Variants in NCAPD3 observed in about 807,000 individuals in gnomAD.
The protein encoded by NCAPD3 is condensin-2 complex subunit D3.
NCAPD3 carries 105 observed loss-of-function variants against 182.9 expected under a neutral mutation model. That is an observed-to-expected ratio of 0.57 (90% CI 0.49 to 0.68). The LOEUF is 0.68. Among genes scored for constraint, NCAPD3 ranks in the 30% least tolerant of loss-of-function variants. The pLI, the probability that NCAPD3 is intolerant of heterozygous loss-of-function variation, is 0.00. For missense variants in NCAPD3, 1,944 were observed against 1,837.0 expected, an observed-to-expected ratio of 1.06 and a Z score of -1.07; for synonymous variants, 815 against 679.9, an observed-to-expected ratio of 1.20 and a Z score of -3.09.
At chr11:134,176,648 T>C (rs536282219) in intron 23 of NCAPD3, among the ~76,000 whole-genome samples, 2 of 152,184 alleles carry the variant, frequency 1.3e-5, no homozygotes, top group Non-Finnish European at 2.9e-5. Flanking sequence ...CGGTTCGTAA[T>C]ACATGAAAAG....
chr11:134,168,679 T>A lies in NCAPD3; in HGVS notation c.3240-77A>T, dbSNP rs554041311. On this transcript the variant is annotated intron_variant, in intron 25 of 34. Coordinates refer to ENST00000534548, the MANE Select transcript of NCAPD3 (RefSeq NM_015261.3). ...GATTTAACACTGCACTTTAACTGCATCCTAAAAGCTGCATGCCAAAGACTC... is the reference window on the plus strand; with the variant it reads ...GATTTAACACTGCACTTTAACTGCAACCTAAAAGCTGCATGCCAAAGACTC... 1,979 of 1,576,354 alleles carry A rather than the reference T, an allele frequency of 1.3e-3. 47 individuals carry two copies. The South Asian group carries it at 0.021, about 17-fold the overall frequency.
chr11:134,183,525 G>A (rs1028365261), intron 19 of NCAPD3, among the ~76,000 whole-genome samples: 1 of 152,148 alleles, frequency 6.6e-6, no homozygotes, highest in East Asian at 1.9e-4. Context: ...CTGAGATTGC[G>A]CCACTGTACT....
intron 24 of NCAPD3, among the ~76,000 whole-genome samples, chr11:134,175,863 C>T (rs1944147955): frequency 6.6e-6 from 1 of 152,078 alleles, no homozygotes; most frequent in African/African-American, 2.4e-5. Flanking sequence ...CACTTGATTC[C>T]ACATTGTGCA....
At chr11:134,155,019 T>C (rs1278333875) in intron 32 of NCAPD3, among the ~76,000 whole-genome samples, 2 of 152,128 alleles carry the variant, frequency 1.3e-5, no homozygotes, top group African/African-American at 4.8e-5. Flanking sequence ...TCCAGGAAAT[T>C]AGTCTCCCAT....
intron 27 of NCAPD3, among the ~76,000 whole-genome samples, chr11:134,165,467 G>A (rs1398027642): frequency 1.3e-5 from 2 of 149,712 alleles, no homozygotes; most frequent in African/African-American, 2.5e-5. Flanking sequence ...ACACTCATGA[G>A]ATGAGCTTGG....
chr11:134,219,516 C>T (rs1938150997), intron 2 of NCAPD3, among the ~76,000 whole-genome samples: 1 of 152,114 alleles, frequency 6.6e-6, no homozygotes, highest in South Asian at 2.1e-4. Context: ...GTACTTAAGG[C>T]AGTGCTTAGT....
intron 29 of NCAPD3, among the ~76,000 whole-genome samples, chr11:134,159,353 A>AT (rs1399786556): frequency 6.6e-6 from 1 of 152,242 alleles, no homozygotes; most frequent in Non-Finnish European, 1.5e-5. Flanking sequence ...GAGCAAGTCC[A>AT]TAAGTAATGT....
Position 134,168,086 on chromosome 11 carries a change from A to C in NCAPD3, c.3483T>G (p.Ser1161=), listed in dbSNP as rs903107754. The change falls in exon 27 of 35, where the codon TCT becomes TCG. Residue 1161 remains serine, a synonymous_variant. Transcript: ENST00000534548. The part of the protein sequence containing the change: ...SKEIKLLAMR[S]KPDKDLLMEE... ...CCATAAGGAGGTCTTTGTCTGGTTT[A>C]GATCTCATTGCCAAAAGCTTGATCT... 6.2e-6 allele frequency: 10 copies of C among 1,614,058 alleles called. No individual in the cohort carries two copies. The African/African-American group carries it at 1.3e-4, about 22-fold the overall frequency.
rs1943173439 is a variant in NCAPD3, at chr11:134,150,200, G to C, written c.*2744C>G. ...GGGAACTCATACTGTCTACACATCA[G>C]ACCATAGTTGCTTAGGAAACCTTTA... On this transcript the variant is annotated 3_prime_UTR_variant, in exon 35 of 35. Coordinates refer to ENST00000534548, the MANE Select transcript of NCAPD3 (RefSeq NM_015261.3). The C allele has an allele frequency of 6.6e-6, 1 of 152,188 alleles. No homozygotes were observed. Among genetic ancestry groups the C allele is most frequent in the African/African-American group, 2.4e-5 (1 of 41,324 alleles). The allele number at this position is 152,188 out of a possible 1,614,324, so 9.4% of individuals were successfully genotyped here.
At chr11:134,185,024 T>C (rs1388194847) in intron 17 of NCAPD3, 24 bp from the exon 18 acceptor site, 1 of 1,550,762 alleles carries the variant, frequency 6.4e-7, no homozygotes, top group Non-Finnish European at 8.9e-7. Flanking sequence ...AGGAGGAATA[T>C]GAAGGGAGAA....
At chr11:134,225,235 T>A (rs1938426339), upstream of NCAPD3, 11 of 1,613,996 alleles carry the variant, frequency 6.8e-6, no homozygotes, top group Non-Finnish European at 9.3e-6. Flanking sequence ...GAGAAATATT[T>A]CCTCTTCTAC....
chr11:134,151,741 C>G lies in NCAPD3; in HGVS notation c.*1203G>C, dbSNP rs1373698903. ...TGTTTAACCTCATTTATAAAAGCTT[C>G]AAAAAAACCCAAACATTGCTTCATT... On this transcript the variant is annotated 3_prime_UTR_variant, in exon 35 of 35. Transcript: ENST00000534548. 6.6e-6 allele frequency: 1 copy of G among 152,134 alleles called. No individual in the cohort carries two copies. 9.4% of individuals were successfully genotyped at this position (152,134 alleles called of 1,614,324 possible).
chr11:134,225,379 C>T, upstream of NCAPD3: 1 of 1,608,494 alleles, frequency 6.2e-7, no homozygotes, highest in African/African-American at 1.3e-5. Flanking sequence ...TCCCCCAGCG[C>T]CGACAGCCGG....
chr11:134,201,292 C>A (rs1944743976), intron 13 of NCAPD3, among the ~76,000 whole-genome samples: 1 of 151,898 alleles, frequency 6.6e-6, no homozygotes, highest in Non-Finnish European at 1.5e-5. Context: ...CCCAATGTGC[C>A]AGGATTACCG....
At position 134,218,110 on chromosome 11, in the gene NCAPD3, AGG is replaced by A. The variant is rs5795873; in HGVS notation, c.220-1014_220-1013del. 2.1e-3 allele frequency among the ~76,000 whole-genome samples: 123 copies of A among 59,558 alleles called. 2 individuals are homozygous for A. Among genetic ancestry groups the A allele is most frequent in the African/African-American group, 4.7e-3 (73 of 15,440 alleles). The allele number at this position is 59,558 out of a possible 152,430, so 39.1% of individuals were successfully genotyped here. A position where few individuals can be genotyped will look rare whatever the true frequency, so the allele number is the denominator to read the frequency against. ...AAGACCCTGGTCTCAAAAAAAAAAA[AGG>A]GGGGGGGGGGAAGAAATCATCTCCT... On this transcript the variant is annotated intron_variant, in intron 2 of 34. Transcript: ENST00000534548.
chr11:134,165,236 G>A (rs775177107), intron 27 of NCAPD3, among the ~76,000 whole-genome samples: 2 of 148,176 alleles, frequency 1.3e-5, no homozygotes, highest in Non-Finnish European at 3.0e-5. Flanking sequence ...TAGGGGAGCA[G>A]CACGCTCACT....
chr11:134,175,702 T>C (rs1055263469), intron 24 of NCAPD3, among the ~76,000 whole-genome samples: 1 of 152,030 alleles, frequency 6.6e-6, no homozygotes, highest in Non-Finnish European at 1.5e-5. Context: ...AACTCTAGGG[T>C]AGCAAATTCT....
Position 134,223,919 on chromosome 11 carries a change from G to A in NCAPD3, c.8C>T (p.Ala3Val), listed in dbSNP as rs772537684. 4 of 1,612,500 alleles carry A rather than the reference G, an allele frequency of 2.5e-6. No individual in the cohort carries two copies. The highest frequency in any genetic ancestry group is 2.2e-5 in the South Asian group (2 of 90,980). MV[A>V]LRGLGSGLQP... ...CAGGCCGCTACCAAGGCCCCGCAACGCCACCATGATCCCAGGGCACCGGCT... is the reference window on the plus strand; with the variant it reads ...CAGGCCGCTACCAAGGCCCCGCAACACCACCATGATCCCAGGGCACCGGCT... Residue 3 changes from alanine to valine, a missense_variant, in exon 1 of 35, where the codon GCG becomes GTG. Ala to Val is a moderately conservative substitution (Grantham distance 64, BLOSUM62 0). Around this residue, in one of 3 missense-constraint regions of NCAPD3, gnomAD observed 131 missense variants for 133.9 expected, o/e 0.98. Transcript: ENST00000534548.
chr11:134,221,193 G>A (rs1041735694), intron 1 of NCAPD3, among the ~76,000 whole-genome samples: 3 of 152,120 alleles, frequency 2.0e-5, no homozygotes, highest in Admixed American at 2.0e-4. Context: ...ATTTCTCCAG[G>A]AAGTTTAAAA....
Sources: gnomAD v4.1 joint callset for allele counts (sites outside exome capture counted in the v4.1 genomes callset) on GRCh38, gnomAD v4.1.1 for gene constraint, gnomAD v4.1.1 regional missense constraint, MANE v1.5 for transcripts, NCBI Gene and HGNC (gene_info 2026-07-23, HGNC 2026-07-21) for gene names.